KCNN2: variants seen among roughly 807,000 people sequenced by gnomAD.
The protein encoded by KCNN2 is potassium calcium-activated channel subfamily N member 2.
Under a neutral mutation model 55.5 loss-of-function variants are expected in KCNN2, and 24 were observed. The ratio of observed to expected loss-of-function variants is 0.43; its 90% CI spans 0.31 to 0.61. The LOEUF (loss-of-function observed/expected upper bound fraction) is 0.61. KCNN2 is among the 20% of genes least tolerant of loss of function. The probability of loss-of-function intolerance (pLI) is 0.08; values close to 1 mark genes in which losing one functional copy is unlikely to be tolerated. For missense variants in KCNN2, 754 were observed against 853.6 expected (o/e 0.88, Z 1.45); for synonymous variants, 431 against 336.1 (o/e 1.28, Z -3.09).
chr5:114,070,998 C>T (rs1750557107), intron 1 of KCNN2, among the ~76,000 whole-genome samples: 2 of 152,110 alleles, frequency 1.3e-5, no homozygotes, highest in African/African-American at 4.8e-5. Flanking sequence ...TTAATATTAG[C>T]TTCATGCAAA....
chr5:114,449,096 T>C (rs1171689074), intron 3 of KCNN2, among the ~76,000 whole-genome samples: 1 of 152,184 alleles, frequency 6.6e-6, no homozygotes, highest in Non-Finnish European at 1.5e-5. Flanking sequence ...GTGAGCTTTC[T>C]TTTTTCATTT....
intron 2 of KCNN2, among the ~76,000 whole-genome samples, chr5:114,339,550 C>G (rs1756979782): frequency 6.6e-6 from 1 of 152,066 alleles, no homozygotes; most frequent in African/African-American, 2.4e-5. Flanking sequence ...TGTTTGTAAT[C>G]CCAGCACTTT....
chr5:114,128,147 C>A (rs1446430760), intron 1 of KCNN2, among the ~76,000 whole-genome samples: 1 of 152,098 alleles, frequency 6.6e-6, no homozygotes, highest in Non-Finnish European at 1.5e-5. Context: ...TAACAGCACC[C>A]CACTACCTGG....
intron 3 of KCNN2, among the ~76,000 whole-genome samples, chr5:114,444,175 C>T (rs990913320): frequency 6.6e-6 from 1 of 152,026 alleles, no homozygotes; most frequent in African/African-American, 2.4e-5. Flanking sequence ...TTTTTGAGTA[C>T]CATGTAACAG....
At chr5:114,319,699 G>T (rs1373127877) in intron 2 of KCNN2, among the ~76,000 whole-genome samples, 3 of 152,138 alleles carry the variant, frequency 2.0e-5, no homozygotes, top group Non-Finnish European at 2.9e-5. Context: ...TAACACAATT[G>T]CTCCTCGCTT....
chr5:114,163,696 T>C (rs959498119), intron 1 of KCNN2, among the ~76,000 whole-genome samples: 1 of 152,140 alleles, frequency 6.6e-6, no homozygotes, highest in Non-Finnish European at 1.5e-5. Flanking sequence ...CTGATGTGCA[T>C]CTCCTGGTAA....
intron 1 of KCNN2, among the ~76,000 whole-genome samples, chr5:114,118,505 G>A (rs1751763397): frequency 6.6e-6 from 1 of 152,058 alleles, no homozygotes; most frequent in African/African-American, 2.4e-5. Flanking sequence ...GAGAAGATGA[G>A]CTGAGTTGTC....
At chr5:114,082,317 G>T (rs368372624) in intron 1 of KCNN2, among the ~76,000 whole-genome samples, 1 of 148,968 alleles carries the variant, frequency 6.7e-6, no homozygotes, top group African/African-American at 2.5e-5. Flanking sequence ...GAGTGAGACC[G>T]TATCTTTAAA....
intron 1 of KCNN2, among the ~76,000 whole-genome samples, chr5:114,192,492 T>C (rs1448769682): frequency 2.6e-5 from 4 of 152,166 alleles, no homozygotes; most frequent in African/African-American, 9.7e-5. Context: ...GAAGTACTAC[T>C]TCTCTTCTGT....
intron 2 of KCNN2, among the ~76,000 whole-genome samples, chr5:114,340,959 A>C (rs1757004844): frequency 6.6e-6 from 1 of 152,156 alleles, no homozygotes; most frequent in Non-Finnish European, 1.5e-5. Flanking sequence ...TGTCTGGATT[A>C]TTTAACTTGG....
chr5:114,180,567 T>C (rs1356452474), intron 1 of KCNN2, among the ~76,000 whole-genome samples: 2 of 152,212 alleles, frequency 1.3e-5, no homozygotes, highest in Admixed American at 1.3e-4. Flanking sequence ...AAATACTTTT[T>C]ATTATCTATT....
intron 3 of KCNN2, among the ~76,000 whole-genome samples, chr5:114,420,467 C>T (rs1017473524): frequency 4.6e-5 from 7 of 152,166 alleles, no homozygotes; most frequent in South Asian, 2.1e-4. Context: ...CAAGTATAGC[C>T]TATGTTACTT....
chr5:114,168,139 A>G (rs1752956129), intron 1 of KCNN2, among the ~76,000 whole-genome samples: 2 of 146,586 alleles, frequency 1.4e-5, no homozygotes, highest in Non-Finnish European at 3.0e-5. Context: ...ATATGTGTGT[A>G]TATAGATATA....
chr5:114,408,696 A>G (rs1252131751), intron 3 of KCNN2, among the ~76,000 whole-genome samples: 1 of 152,186 alleles, frequency 6.6e-6, no homozygotes, highest in Non-Finnish European at 1.5e-5. Context: ...ATACATCTCC[A>G]TGGGTGGTCT....
chr5:114,294,500 G>A (rs1227663908), intron 2 of KCNN2, among the ~76,000 whole-genome samples: 3 of 152,154 alleles, frequency 2.0e-5, no homozygotes, highest in African/African-American at 7.2e-5. Flanking sequence ...TAGTTGAGCG[G>A]TTTTGAGTGA....
intron 6 of KCNN2, among the ~76,000 whole-genome samples, chr5:114,492,235 T>A (rs1747892653): frequency 6.6e-6 from 1 of 152,140 alleles, no homozygotes; most frequent in African/African-American, 2.4e-5. Flanking sequence ...TATGAACGTA[T>A]TACAAAATCT....
intron 3 of KCNN2, among the ~76,000 whole-genome samples, chr5:114,455,865 C>G (rs60637405): frequency 6.6e-6 from 1 of 152,210 alleles, no homozygotes. Context: ...TCCTAACTCT[C>G]TTCAGTTCTT....
chr5:114,146,150 A>G (rs1260010804), intron 1 of KCNN2, among the ~76,000 whole-genome samples: 1 of 152,084 alleles, frequency 6.6e-6, no homozygotes, highest in Non-Finnish European at 1.5e-5. Context: ...TACTTCCCTT[A>G]CTTGGTTTAT....
chr5:114,402,099 C>A (rs150790159), intron 2 of KCNN2, among the ~76,000 whole-genome samples: 1 of 152,254 alleles, frequency 6.6e-6, no homozygotes, highest in East Asian at 1.9e-4. Flanking sequence ...ACATCCAGAC[C>A]ATACCAAGTA....
Sources: gnomAD v4.1 joint callset for allele counts (sites outside exome capture counted in the v4.1 genomes callset) on GRCh38, gnomAD v4.1.1 for gene constraint, MANE v1.5 for transcripts, NCBI Gene and HGNC (gene_info 2026-07-23, HGNC 2026-07-21) for gene names.